RSPO3: variants seen among roughly 807,000 people sequenced by gnomAD.
RSPO3 encodes the protein R-spondin-3.
In RSPO3, 17 loss-of-function variants were observed where a neutral mutation model predicts 36.5. The observed-to-expected ratio is 0.47, with a 90% CI of 0.32 to 0.70. The LOEUF (loss-of-function observed/expected upper bound fraction) is 0.70. Among genes scored for constraint, RSPO3 ranks in the 30% least tolerant of loss-of-function variants. The pLI is 0.04. For missense variants in RSPO3, 294 were observed against 322.5 expected (o/e 0.91, Z 0.68); for synonymous variants, 108 against 107.0 (o/e 1.01, Z -0.06).
At chr6:127,135,416 T>TAAAAAAAAAAAAAAAAAAA (rs35739572) in intron 1 of RSPO3, among the ~76,000 whole-genome samples, 1 of 95,244 alleles carries the variant, frequency 1.0e-5, no homozygotes. Context: ...TGAGAATCCA[T>TAAAAAAAAAAAAAAAAAAA]AAAAAAAAAA....
intron 1 of RSPO3, among the ~76,000 whole-genome samples, chr6:127,144,643 G>GTTTTTTTTTTTGTTTTTTT (rs1774344834): frequency 1.0e-5 from 1 of 99,130 alleles, no homozygotes; most frequent in African/African-American, 4.2e-5. Flanking sequence ...GCTTCCCCTT[G>GTTTTTTTTTTTGTTTTTTT]TTTTTTTTTT....
intron 4 of RSPO3, among the ~76,000 whole-genome samples, chr6:127,190,512 C>T (rs533797702): frequency 1.6e-4 from 25 of 152,216 alleles, no homozygotes; most frequent in African/African-American, 5.8e-4. Context: ...ATTCCAGATT[C>T]AAAAATAATA....
chr6:127,184,157 G>T (rs777994065), intron 4 of RSPO3, among the ~76,000 whole-genome samples: 7 of 151,840 alleles, frequency 4.6e-5, no homozygotes, highest in Non-Finnish European at 7.4e-5. Context: ...GTAAGATTTG[G>T]GTAGGGAAGC....
chr6:127,182,635 T>C (rs1224018482), intron 4 of RSPO3, among the ~76,000 whole-genome samples: 1 of 151,984 alleles, frequency 6.6e-6, no homozygotes, highest in African/African-American at 2.4e-5. Flanking sequence ...ATTAATTGCA[T>C]TGCACATAAC....
At chr6:127,183,768 C>T (rs921122535) in intron 4 of RSPO3, among the ~76,000 whole-genome samples, 19 of 151,884 alleles carry the variant, frequency 1.3e-4, no homozygotes, top group African/African-American at 4.1e-4. Context: ...CAAAATTATG[C>T]AAGTAAATCA....
chr6:127,134,656 G>A (rs920431340), intron 1 of RSPO3, among the ~76,000 whole-genome samples: 2 of 152,124 alleles, frequency 1.3e-5, no homozygotes, highest in African/African-American at 4.8e-5. Flanking sequence ...TCAGAGTCTT[G>A]AAAATAACTT....
chr6:127,156,321 T>C (rs1027820781), intron 4 of RSPO3, among the ~76,000 whole-genome samples: 2 of 152,066 alleles, frequency 1.3e-5, no homozygotes, highest in Admixed American at 6.6e-5. Context: ...CAAGGAGAAA[T>C]ATAGCATTTA....
chr6:127,124,902 T>G (rs1008903751), intron 1 of RSPO3, among the ~76,000 whole-genome samples: 3 of 152,098 alleles, frequency 2.0e-5, no homozygotes, highest in African/African-American at 7.2e-5. Flanking sequence ...ATGCTAAATA[T>G]CTAAATGTCA....
intron 1 of RSPO3, among the ~76,000 whole-genome samples, chr6:127,143,165 A>G (rs1774313778): frequency 6.6e-6 from 1 of 152,164 alleles, no homozygotes; most frequent in African/African-American, 2.4e-5. Flanking sequence ...AATAATCAAA[A>G]ACACTTTATT....
chr6:127,151,030 CAA>C (rs958596348), intron 3 of RSPO3, among the ~76,000 whole-genome samples: 10 of 151,674 alleles, frequency 6.6e-5, no homozygotes, highest in African/African-American at 2.4e-4. Flanking sequence ...AACTAATGAC[CAA>C]AGTTATTTTC....
chr6:127,168,449 G>A (rs1218878803), intron 4 of RSPO3, among the ~76,000 whole-genome samples: 2 of 152,052 alleles, frequency 1.3e-5, no homozygotes, highest in South Asian at 2.1e-4. Flanking sequence ...TGATGGGGTT[G>A]TTTGACTTTT....
At chr6:127,162,548 A>C (rs1562248196) in intron 4 of RSPO3, among the ~76,000 whole-genome samples, 1 of 152,172 alleles carries the variant, frequency 6.6e-6, no homozygotes, top group Admixed American at 6.6e-5. Context: ...AGGAAGAATA[A>C]ATAAAATCTG....
intron 4 of RSPO3, among the ~76,000 whole-genome samples, chr6:127,188,300 A>G (rs930526417): frequency 7.2e-5 from 11 of 152,204 alleles, no homozygotes; most frequent in Non-Finnish European, 1.5e-5. Flanking sequence ...AAGAGAGTTT[A>G]TTATGCTTAA....
chr6:127,180,208 A>T (rs1181827345), intron 4 of RSPO3, among the ~76,000 whole-genome samples: 2 of 151,832 alleles, frequency 1.3e-5, no homozygotes, highest in Non-Finnish European at 2.9e-5. Flanking sequence ...GAGAAGCAAC[A>T]TCAATAAAAT....
At position 127,197,557 on chromosome 6, in the gene RSPO3, T is replaced by C. The variant is rs1263671906; in HGVS notation, c.*1550T>C. 21 of 1,548,320 alleles carry C rather than the reference T, an allele frequency of 1.4e-5. No individual in the cohort carries two copies. The highest frequency in any genetic ancestry group is 8.2e-5 in the African/African-American group (6 of 73,006). ...ACCCACCTTAACCTTCCTGTTGTCA[T>C]GGAAGGATGCACGGCTGCTCTGTCC... On this transcript the variant is annotated 3_prime_UTR_variant, in exon 5 of 5. Coordinates refer to ENST00000356698, the MANE Select transcript of RSPO3 (RefSeq NM_032784.5).
At chr6:127,120,423 A>AGCG (rs1480663015) in intron 1 of RSPO3, among the ~76,000 whole-genome samples, 3 of 152,280 alleles carry the variant, frequency 2.0e-5, no homozygotes, top group Non-Finnish European at 4.4e-5. Context: ...AGGGGCAGGA[A>AGCG]GCGATGCTGC....
chr6:127,169,486 G>C (rs1582805730), intron 4 of RSPO3, among the ~76,000 whole-genome samples: 1 of 151,934 alleles, frequency 6.6e-6, no homozygotes, highest in East Asian at 2.0e-4. Flanking sequence ...ATGTAATTAA[G>C]AAGACTTATG....
At chr6:127,139,008 C>A (rs1774215661) in intron 1 of RSPO3, among the ~76,000 whole-genome samples, 1 of 152,216 alleles carries the variant, frequency 6.6e-6, no homozygotes, top group Middle Eastern at 3.4e-3. Flanking sequence ...GGGAGCCATG[C>A]ACATAAGTAT....
intron 1 of RSPO3, among the ~76,000 whole-genome samples, chr6:127,133,370 C>T (rs1252886872): frequency 6.6e-6 from 1 of 152,002 alleles, no homozygotes; most frequent in Non-Finnish European, 1.5e-5. Context: ...TCTAGATTTT[C>T]TTGATTTGAC....
Sources: allele counts gnomAD v4.1 joint callset (sites outside exome capture counted in the v4.1 genomes callset), GRCh38; gene constraint gnomAD v4.1.1; transcripts MANE v1.5; gene names NCBI Gene and HGNC (gene_info 2026-07-23, HGNC 2026-07-21).